The following GALNT17 variants were observed in gnomAD, a reference collection of about 807,000 sequenced individuals.
GALNT17 encodes the protein polypeptide N-acetylgalactosaminyltransferase 17.
Under a neutral mutation model 63.7 loss-of-function variants are expected in GALNT17, and 29 were observed. The observed-to-expected ratio is 0.46, with a 90% confidence interval of 0.34 to 0.62. The LOEUF is 0.62. Ranked by LOEUF, GALNT17 falls within the 20% of genes least tolerant of loss-of-function variation. GALNT17 has a pLI of 0.01. For missense variants in GALNT17, 603 were observed against 799.6 expected, an observed-to-expected ratio of 0.75 and a Z score of 2.97; for synonymous variants, 305 against 318.3, an observed-to-expected ratio of 0.96 and a Z score of 0.45.
At chr7:71,376,946 C>T (rs1011179806) in intron 2 of GALNT17, among the ~76,000 whole-genome samples, 1 of 150,668 alleles carries the variant, frequency 6.6e-6, no homozygotes, top group African/African-American at 2.4e-5. Context: ...GTTAGCCAAG[C>T]GAGGTGGTAC....
At chr7:71,164,441 G>A (rs1186002028) in intron 1 of GALNT17, among the ~76,000 whole-genome samples, 1 of 152,160 alleles carries the variant, frequency 6.6e-6, no homozygotes, top group Non-Finnish European at 1.5e-5. Flanking sequence ...CCCCATGATC[G>A]AATCACCTCC....
At chr7:71,564,278 C>CTTTTTTTTTTTTT (rs10539122) in intron 5 of GALNT17, among the ~76,000 whole-genome samples, 14 of 98,010 alleles carry the variant, frequency 1.4e-4, no homozygotes, top group Non-Finnish European at 1.7e-4. Context: ...CTTTTCTTTT[C>CTTTTTTTTTTTTT]TTTTTTTTTT....
intron 1 of GALNT17, among the ~76,000 whole-genome samples, chr7:71,254,046 C>G (rs1583801778): frequency 1.3e-5 from 2 of 152,146 alleles, no homozygotes; most frequent in African/African-American, 4.8e-5. Flanking sequence ...TTCAGGGAGA[C>G]ATAAGACATC....
intron 1 of GALNT17, among the ~76,000 whole-genome samples, chr7:71,143,006 G>A (rs1043574993): frequency 2.6e-5 from 4 of 151,940 alleles, no homozygotes; most frequent in African/African-American, 4.8e-5. Context: ...ACTGGTGCAC[G>A]GTAGGTGCTT....
intron 6 of GALNT17, among the ~76,000 whole-genome samples, chr7:71,651,158 A>G (rs1426020511): frequency 7.5e-6 from 1 of 134,054 alleles, no homozygotes; most frequent in African/African-American, 2.7e-5. Context: ...GAGCTAGTAG[A>G]TGTGAAGTAG....
intron 1 of GALNT17, among the ~76,000 whole-genome samples, chr7:71,228,397 A>G (rs1371868043): frequency 1.3e-5 from 2 of 152,174 alleles, no homozygotes; most frequent in Non-Finnish European, 2.9e-5. Context: ...TCTAGAAGCC[A>G]TTGCCCTTGA....
In GALNT17 at chr7:71,319,094, T is replaced by TTTTCTTTCTTTCTTTCTTTCTTTC. The variant is rs372024382; in HGVS notation, c.239-16455_239-16454insTTCTTTCTTTCTTTCTTTCTTTCT. ...CCTCAGCTTGCTGAGCTATTTTTGT[T>TTTTCTTTCTTTCTTTCTTTCTTTC]TATCTTTCTTTCTTTCTTTCTTTCT... On this transcript the variant is annotated intron_variant, in intron 1 of 10. Transcript: ENST00000333538. 7.2e-3 allele frequency among the ~76,000 whole-genome samples: 356 copies of TTTTCTTTCTTTCTTTCTTTCTTTC among 49,238 alleles called. 9 individuals are homozygous for TTTTCTTTCTTTCTTTCTTTCTTTC. Among genetic ancestry groups the TTTTCTTTCTTTCTTTCTTTCTTTC allele is most frequent in the South Asian group, 0.02 (27 of 1,332 alleles). The allele number at this position is 49,238 out of a possible 152,430, so 32.3% of individuals were successfully genotyped here. A position where few individuals can be genotyped will look rare whatever the true frequency, so the allele number is the denominator to read the frequency against.
At chr7:71,176,156 A>G (rs563254105) in intron 1 of GALNT17, among the ~76,000 whole-genome samples, 2 of 151,966 alleles carry the variant, frequency 1.3e-5, no homozygotes, top group Admixed American at 1.3e-4. Context: ...TATGAGGGCG[A>G]GTGGGGAGGA....
At position 71,462,118 on chromosome 7, in the gene GALNT17, C is replaced by T. The variant is rs1007504501; in HGVS notation, c.962+41013C>T. On this transcript the variant is annotated intron_variant, in intron 5 of 10. Coordinates refer to ENST00000333538, the MANE Select transcript of GALNT17 (RefSeq NM_022479.3). ...AGATTCAGAGGATTCTCCAGCTACT[C>T]AGCCACCCAGAGTCCTCCCTGGAGC... is the stretch of plus-strand genomic sequence containing the variant. 4.6e-5 allele frequency among the ~76,000 whole-genome samples: 7 copies of T among 152,160 alleles called. No individual in the cohort carries two copies. In the South Asian group the frequency reaches 1.5e-3, roughly 32 times the overall value.
At chr7:71,559,658 C>T (rs1584049804) in intron 5 of GALNT17, among the ~76,000 whole-genome samples, 1 of 152,002 alleles carries the variant, frequency 6.6e-6, no homozygotes, top group African/African-American at 2.4e-5. Flanking sequence ...GGCCAGGAGT[C>T]GGAGACCAGC....
In GALNT17 at chr7:71,348,683, A is replaced by C. The variant is rs543306456; in HGVS notation, c.422+12950A>C. ...TTGAATCAAACCAATGTTGAGATTT[A>C]CAGTACTGGCTGTTGTTGCTTCTGC... On this transcript the variant is annotated intron_variant, in intron 2 of 10. Transcript: ENST00000333538. Among the ~76,000 whole-genome samples, 6 of 152,334 alleles carry C rather than the reference A, an allele frequency of 3.9e-5. No homozygotes were observed. In the East Asian group the frequency reaches 5.8e-4, roughly 15 times the overall value.
At chr7:71,510,224 G>A (rs1420756634) in intron 5 of GALNT17, among the ~76,000 whole-genome samples, 2 of 152,194 alleles carry the variant, frequency 1.3e-5, no homozygotes, top group Non-Finnish European at 2.9e-5. Flanking sequence ...TGGGATTACA[G>A]GCATGAGCCA....
chr7:71,709,006 G>T (rs1371383302), intron 9 of GALNT17, among the ~76,000 whole-genome samples: 1 of 152,162 alleles, frequency 6.6e-6, no homozygotes, highest in Non-Finnish European at 1.5e-5. Context: ...ATTGTGAATA[G>T]TGCTGCAATG....
At chr7:71,701,682 A>G (rs190302717) in intron 9 of GALNT17, among the ~76,000 whole-genome samples, 2 of 150,364 alleles carry the variant, frequency 1.3e-5, no homozygotes, top group Non-Finnish European at 3.0e-5. Flanking sequence ...AATTAACCTA[A>G]GTGCGCATCA....
At chr7:71,139,998 A>G (rs1008339513) in intron 1 of GALNT17, among the ~76,000 whole-genome samples, 8 of 150,476 alleles carry the variant, frequency 5.3e-5, no homozygotes, top group Non-Finnish European at 8.8e-5. Flanking sequence ...TGTCTTAAAA[A>G]TAAACAAACA....
chr7:71,372,841 C>T (rs532874447), intron 2 of GALNT17, among the ~76,000 whole-genome samples: 73 of 152,188 alleles, frequency 4.8e-4, no homozygotes, highest in African/African-American at 1.4e-3. Flanking sequence ...GGCCTACACA[C>T]GATGGGGAAA....
chr7:71,248,475 G>A (rs1274559000), intron 1 of GALNT17, among the ~76,000 whole-genome samples: 1 of 152,102 alleles, frequency 6.6e-6, no homozygotes, highest in African/African-American at 2.4e-5. Flanking sequence ...ACTGTACTGC[G>A]ACTTATATAT....
At chr7:71,221,346 T>C (rs1789579405) in intron 1 of GALNT17, among the ~76,000 whole-genome samples, 1 of 151,882 alleles carries the variant, frequency 6.6e-6, no homozygotes, top group Non-Finnish European at 1.5e-5. Flanking sequence ...GGCATTTAGG[T>C]TGATTCCATG....
intron 4 of GALNT17, 58 bp downstream of exon 4, chr7:71,416,121 C>A: frequency 6.5e-7 from 1 of 1,536,130 alleles, no homozygotes; most frequent in South Asian, 1.3e-5. Context: ...TTGAGAGGGG[C>A]TGGAATCTGG....
Sources: allele counts gnomAD v4.1 joint callset (sites outside exome capture counted in the v4.1 genomes callset), GRCh38; gene constraint gnomAD v4.1.1; transcripts MANE v1.5; gene names NCBI Gene and HGNC (gene_info 2026-07-23, HGNC 2026-07-21).